The following NEK6 variants were observed in gnomAD, a reference collection of about 807,000 sequenced individuals.
The protein encoded by NEK6 is serine/threonine-protein kinase Nek6.
Under a neutral mutation model 43.5 loss-of-function variants are expected in NEK6, and 27 were observed. The observed-to-expected ratio is 0.62, with a 90% CI of 0.46 to 0.86. NEK6 has a LOEUF of 0.86. Among genes scored for constraint, NEK6 ranks in the 40% least tolerant of loss-of-function variants. The pLI is 0.00. For missense variants in NEK6, 318 were observed against 414.4 expected (o/e 0.77, Z 2.02); for synonymous variants, 167 against 164.1 (o/e 1.02, Z -0.14).
chr9:124,312,733 T>C, intron 3 of NEK6, 84 bp downstream of exon 3: 2 of 1,394,284 alleles, frequency 1.4e-6, no homozygotes, highest in Non-Finnish European at 2.0e-6. Flanking sequence ...CAGTCCCTTC[T>C]CTCCCCTCTT....
intron 5 of NEK6, among the ~76,000 whole-genome samples, chr9:124,325,408 C>G (rs1834285353): frequency 6.6e-6 from 1 of 152,236 alleles, no homozygotes; most frequent in African/African-American, 2.4e-5. Flanking sequence ...GTGTCCTGGT[C>G]AGTTCCCAGC....
chr9:124,300,841 C>T (rs1423756361), intron 1 of NEK6, among the ~76,000 whole-genome samples: 2 of 152,202 alleles, frequency 1.3e-5, no homozygotes, highest in Non-Finnish European at 2.9e-5. Context: ...TCCAGGGGTA[C>T]AGCTGAGCTG....
chr9:124,271,288 G>C (rs182316070), intron 1 of NEK6, among the ~76,000 whole-genome samples: 129 of 152,366 alleles, frequency 8.5e-4, no homozygotes, highest in Non-Finnish European at 1.5e-3. Flanking sequence ...TCTCACTCAG[G>C]AACAACGCCA....
intron 1 of NEK6, among the ~76,000 whole-genome samples, chr9:124,279,098 A>G (rs1375803339): frequency 6.6e-6 from 1 of 151,120 alleles, no homozygotes; most frequent in Non-Finnish European, 1.5e-5. Flanking sequence ...CCTGGAGAGG[A>G]TGGGGGGCTT....
chr9:124,305,461 T>C (rs917864227), intron 2 of NEK6, among the ~76,000 whole-genome samples: 7 of 149,546 alleles, frequency 4.7e-5, no homozygotes, highest in Non-Finnish European at 7.4e-5. Flanking sequence ...GGCCAAGGCA[T>C]GAGAATCGCT....
In NEK6 at chr9:124,330,765, G is replaced by A. The variant is rs374858256; in HGVS notation, c.622+3320G>A. 1.1e-4 allele frequency among the ~76,000 whole-genome samples: 16 copies of A among 152,282 alleles called. No homozygotes were observed. In the East Asian group the frequency reaches 2.9e-3, roughly 28 times the overall value. On this transcript the variant is annotated intron_variant, in intron 7 of 9. Transcript: ENST00000320246. The stretch of plus-strand genomic sequence containing the variant: ...GACACAGTCCATGCCAGGTGGCATG[G>A]TGAGGGGACAGGTGGGACTGCCTCT...
chr9:124,348,457 G>C (rs1413000226), intron 9 of NEK6, among the ~76,000 whole-genome samples: 2 of 152,178 alleles, frequency 1.3e-5, no homozygotes, highest in Non-Finnish European at 2.9e-5. Context: ...GGATAATGGT[G>C]AGGAAGAAAG....
intron 7 of NEK6, among the ~76,000 whole-genome samples, chr9:124,331,309 A>C (rs984306135): frequency 7.3e-5 from 11 of 151,612 alleles, no homozygotes; most frequent in African/African-American, 2.7e-4. Flanking sequence ...TTTGTAAATC[A>C]TCACAAGGCT....
intron 1 of NEK6, chr9:124,261,649 C>T (rs1025822741): frequency 3.3e-5 from 30 of 914,772 alleles, no homozygotes; most frequent in Middle Eastern, 5.6e-4. Context: ...ATTTCCATTT[C>T]GATCACGGCT....
intron 1 of NEK6, among the ~76,000 whole-genome samples, chr9:124,273,748 C>G (rs531578727): frequency 6.6e-6 from 1 of 152,352 alleles, no homozygotes; most frequent in African/African-American, 2.4e-5. Context: ...TGAGTGGCGG[C>G]TCGCAGCCTC....
In NEK6 at chr9:124,343,612, C is replaced by T. The variant is rs760242892; in HGVS notation, c.717+3947C>T. Among the ~76,000 whole-genome samples, 4 of 152,280 alleles carry T rather than the reference C, an allele frequency of 2.6e-5. No homozygotes were observed. Among genetic ancestry groups the T allele is most frequent in the Middle Eastern group, 6.8e-3 (2 of 294 alleles). On this transcript the variant is annotated intron_variant, in intron 8 of 9. Transcript: ENST00000320246. This position sits in a 1 kb window ranked among gnomAD's most constrained non-coding sequence, Gnocchi z 5.1. Reference sequence around the variant, plus strand: ...GACAGGGAGGAGAGCCACATCTGAGCCCACGGCCATGTAATTGGAAAGAGG... The same window carrying T: ...GACAGGGAGGAGAGCCACATCTGAGTCCACGGCCATGTAATTGGAAAGAGG...
chr9:124,351,749 CA>C lies in NEK6; in HGVS notation c.*804del, dbSNP rs1326306949. 3 of 152,190 alleles carry C rather than the reference CA, an allele frequency of 2.0e-5. No homozygotes were observed. The highest frequency in any genetic ancestry group is 4.8e-5 in the African/African-American group (2 of 41,432). The allele number at this position is 152,190 out of a possible 1,614,324, so 9.4% of individuals were successfully genotyped here. A position where few individuals can be genotyped will look rare whatever the true frequency, so the allele number is the denominator to read the frequency against. ...CTGTCCTTTACAAATTCTGGTTCTG[CA>C]ACTTCCTAGCGTGACTTTGGGCTTG... On this transcript the variant is annotated 3_prime_UTR_variant, in exon 10 of 10. Coordinates refer to ENST00000320246, the MANE Select transcript of NEK6 (RefSeq NM_014397.6).
At chr9:124,268,151 C>T (rs1230530384) in intron 1 of NEK6, among the ~76,000 whole-genome samples, 1 of 152,166 alleles carries the variant, frequency 6.6e-6, no homozygotes, top group East Asian at 1.9e-4. Flanking sequence ...TATTTAATGA[C>T]CCAGAAAAAC....
At chr9:124,344,260 C>T (rs1009221008) in intron 8 of NEK6, among the ~76,000 whole-genome samples, 4 of 152,160 alleles carry the variant, frequency 2.6e-5, no homozygotes, top group Non-Finnish European at 5.9e-5. Flanking sequence ...TGCAAAATCC[C>T]ATTTGCCCTA....
At chr9:124,349,767 G>T (rs1830150765) in intron 9 of NEK6, among the ~76,000 whole-genome samples, 3 of 152,186 alleles carry the variant, frequency 2.0e-5, no homozygotes, top group African/African-American at 4.8e-5. Flanking sequence ...CCCGAATATT[G>T]TAAGGTTCAG....
Position 124,304,325 on chromosome 9 carries a change from G to A in NEK6, c.90+2271G>A, listed in dbSNP as rs558335319. On this transcript the variant is annotated intron_variant, in intron 2 of 9. Coordinates refer to ENST00000320246, the MANE Select transcript of NEK6 (RefSeq NM_014397.6). ...ATTTTCCTTGATAGCAGGAGGCACC[G>A]CTGCTTCCCTGAAACCATCCTCAGA... is the stretch of plus-strand genomic sequence containing the variant. Among the ~76,000 whole-genome samples, 231 of 152,326 alleles carry A rather than the reference G, an allele frequency of 1.5e-3. 1 individual carries two copies. Among genetic ancestry groups the A allele is most frequent in the Non-Finnish European group, 2.6e-3 (175 of 68,032 alleles).
intron 9 of NEK6, among the ~76,000 whole-genome samples, chr9:124,350,001 G>A (rs923071445): frequency 7.9e-5 from 12 of 152,224 alleles, no homozygotes; most frequent in African/African-American, 2.9e-4. Context: ...CTGCGCAGCA[G>A]TAGCCCCCGG....
At chr9:124,317,915 G>A (rs562037398) in intron 4 of NEK6, among the ~76,000 whole-genome samples, 2 of 151,846 alleles carry the variant, frequency 1.3e-5, no homozygotes, top group Non-Finnish European at 1.5e-5. Context: ...TTCTTTATCC[G>A]GCCCACCATT....
intron 1 of NEK6, among the ~76,000 whole-genome samples, chr9:124,263,561 C>G (rs931951886): frequency 5.3e-5 from 8 of 152,330 alleles, no homozygotes; most frequent in African/African-American, 1.9e-4. Flanking sequence ...GCTCATTCCC[C>G]AAGATTACAT....
Sources: allele counts gnomAD v4.1 joint callset (sites outside exome capture counted in the v4.1 genomes callset), GRCh38; gene constraint gnomAD v4.1.1; non-coding constraint Gnocchi (gnomAD v3.1); transcripts MANE v1.5; gene names NCBI Gene and HGNC (gene_info 2026-07-23, HGNC 2026-07-21).